The following HMG20A variants were observed in gnomAD, a reference collection of about 807,000 sequenced individuals.
HMG20A encodes the protein high mobility group protein 20A.
In HMG20A, 17 loss-of-function variants were observed where a neutral mutation model predicts 43.9. The observed-to-expected ratio is 0.39, with a 90% CI of 0.27 to 0.58. The LOEUF is 0.58. Among genes scored for constraint, HMG20A ranks in the 20% least tolerant of loss-of-function variants. HMG20A has a pLI of 0.59. For synonymous variants in HMG20A, 132 were observed against 147.5 expected (o/e 0.89, Z 0.76); for missense variants, 341 against 438.2 (o/e 0.78, Z 1.98).
the HMG20A span, among the ~76,000 whole-genome samples, chr15:77,503,635 A>G: frequency 6.6e-6 from 1 of 152,130 alleles, no homozygotes; most frequent in Admixed American, 6.5e-5. Flanking sequence ...CAAAGAGGAG[A>G]AGTGATTTGC....
At chr15:77,479,872 T>C (rs1798014686) in intron 9 of HMG20A, among the ~76,000 whole-genome samples, 1 of 152,234 alleles carries the variant, frequency 6.6e-6, no homozygotes, top group Admixed American at 6.5e-5. Flanking sequence ...ACATTGTATG[T>C]ATGTGAGCCT....
At chr15:77,434,427 CA>C (rs1395527930) in intron 1 of HMG20A, among the ~76,000 whole-genome samples, 2 of 151,548 alleles carry the variant, frequency 1.3e-5, no homozygotes, top group Non-Finnish European at 2.9e-5. Flanking sequence ...AACTTATCTT[CA>C]AAAGACATTA....
chr15:77,430,270 C>G (rs534287814), intron 1 of HMG20A, among the ~76,000 whole-genome samples: 139 of 152,296 alleles, frequency 9.1e-4, no homozygotes, highest in African/African-American at 3.2e-3. Flanking sequence ...TGTTTAAATA[C>G]TCTAGGTTAA....
In HMG20A at chr15:77,471,797, G is replaced by A. The variant is rs558556183; in HGVS notation, c.598G>A (p.Ala200Thr). 3.2e-6 allele frequency: 5 copies of A among 1,569,172 alleles called. No homozygotes were observed. In the East Asian group the frequency reaches 9.0e-5, roughly 28 times the overall value. The change falls in exon 6 of 10, where the codon GCC becomes ACC. Residue 200 changes from alanine (A) to threonine (T), a missense_variant. This residue lies in a region of HMG20A where 220 missense variants were observed against 263.6 expected (regional missense o/e 0.83). Transcript: ENST00000336216. ...TATATTTTTAGATGCAGCCCGGCAG[G>A]CCACTCATGATCATGAGGTAATTAG... ...KSHRQDAARQATHDHEKETEV... is the reference protein window; with the variant it reads ...KSHRQDAARQTTHDHEKETEV...
chr15:77,456,325 C>G (rs1467153656), intron 1 of HMG20A, among the ~76,000 whole-genome samples: 1 of 152,080 alleles, frequency 6.6e-6, no homozygotes, highest in East Asian at 1.9e-4. Context: ...ATGCCAGGAG[C>G]TTTAAATGCT....
At chr15:77,465,260 C>CAAAAAA (rs71145837) in intron 3 of HMG20A, among the ~76,000 whole-genome samples, 17 of 59,126 alleles carry the variant, frequency 2.9e-4, no homozygotes, top group South Asian at 9.9e-4. Flanking sequence ...GACTTCGTCT[C>CAAAAAA]AAAAAAAAAA....
chr15:77,480,827 A>G (rs1434010778), intron 9 of HMG20A, among the ~76,000 whole-genome samples: 6 of 151,586 alleles, frequency 4.0e-5, no homozygotes, highest in African/African-American at 1.2e-4. Flanking sequence ...TAGAGATAGG[A>G]TACCCCTTTA....
chr15:77,467,420 C>A, intron 4 of HMG20A, 113 bp downstream of exon 4: 1 of 838,696 alleles, frequency 1.2e-6, no homozygotes, highest in Non-Finnish European at 1.9e-6. Context: ...GTCACAGTGC[C>A]TAGGAGACCA....
At chr15:77,500,468 T>C in the HMG20A span, among the ~76,000 whole-genome samples, 1 of 152,086 alleles carries the variant, frequency 6.6e-6, no homozygotes, top group Non-Finnish European at 1.5e-5. Context: ...GTGGCGTATG[T>C]CTCCAAATGC....
chr15:77,440,188 G>C (rs1385692182), intron 1 of HMG20A, among the ~76,000 whole-genome samples: 2 of 152,028 alleles, frequency 1.3e-5, no homozygotes, highest in Non-Finnish European at 2.9e-5. Context: ...TAACTATAGT[G>C]AACTCCAATT....
Position 77,470,911 on chromosome 15 carries a change from G to T in HMG20A, c.452G>T (p.Arg151Leu). The change falls in exon 5 of 10, where the codon CGC becomes CTC. Residue 151 changes from arginine (R) to leucine (L), a missense_variant and splice_region_variant. Coordinates refer to ENST00000336216, the MANE Select transcript of HMG20A (RefSeq NM_001304504.2). The part of the protein sequence containing the change: ...WSKLPPEEKQ[R>L]YLDEADRDKE... ...AATAATTCTGTATTTCTTTCCTAGC[G>T]CTACCTTGATGAAGCAGACAGAGAT... The T allele has an allele frequency of 1.9e-6, 3 of 1,566,250 alleles. No individual in the cohort carries two copies. Among genetic ancestry groups the T allele is most frequent in the East Asian group, 2.4e-5 (1 of 42,358 alleles).
the HMG20A span, among the ~76,000 whole-genome samples, chr15:77,510,679 T>TCCAGCAGCTG: frequency 6.6e-6 from 1 of 152,168 alleles, no homozygotes; most frequent in African/African-American, 2.4e-5. Context: ...CACTGTGGCC[T>TCCAGCAGCTG]CCAGCAGCTG....
rs1161104282 is a variant in HMG20A at position 77,484,265 on chromosome 15, T to G, written c.*1302T>G. On this transcript the variant is annotated 3_prime_UTR_variant, in exon 10 of 10. Transcript: ENST00000336216. ...TCACGCCTAGCAGTTTCTGGTTCCT[T>G]TAACAGCAAAAGGAAAGAGAGGTTC... 4 of 152,246 alleles carry G rather than the reference T, an allele frequency of 2.6e-5. No homozygotes were observed. Among genetic ancestry groups the G allele is most frequent in the Non-Finnish European group, 4.4e-5 (3 of 68,060 alleles). 9.4% of individuals were successfully genotyped at this position (152,246 alleles called of 1,614,324 possible). A position where few individuals can be genotyped will look rare whatever the true frequency, so the allele number is the denominator to read the frequency against.
At chr15:77,518,264 C>T in the HMG20A span, among the ~76,000 whole-genome samples, 1 of 152,144 alleles carries the variant, frequency 6.6e-6, no homozygotes, top group Non-Finnish European at 1.5e-5. Context: ...AGCTGGGGAC[C>T]TTCTAAAGGT....
chr15:77,425,178 T>G (rs2073413711), intron 1 of HMG20A, among the ~76,000 whole-genome samples: 1 of 152,348 alleles, frequency 6.6e-6, no homozygotes. Context: ...CTCCAGAGCA[T>G]TATACCTTTC....
At chr15:77,449,203 G>GC (rs2073708548) in intron 1 of HMG20A, among the ~76,000 whole-genome samples, 1 of 151,638 alleles carries the variant, frequency 6.6e-6, no homozygotes, top group Non-Finnish European at 1.5e-5. Flanking sequence ...GAAGCAGCAA[G>GC]CCTTATGTTT....
At chr15:77,453,275 G>A (rs963919341) in intron 1 of HMG20A, among the ~76,000 whole-genome samples, 9 of 152,152 alleles carry the variant, frequency 5.9e-5, no homozygotes, top group Non-Finnish European at 5.9e-5. Flanking sequence ...AATAGGATTT[G>A]AGTAGACAGT....
chr15:77,424,773 T>G (rs564791059), intron 1 of HMG20A, among the ~76,000 whole-genome samples: 61 of 152,240 alleles, frequency 4.0e-4, no homozygotes, highest in African/African-American at 1.4e-3. Flanking sequence ...ATATACAAAA[T>G]AGAAAAGTTT....
chr15:77,442,799 C>A (rs2073627128), intron 1 of HMG20A, among the ~76,000 whole-genome samples: 1 of 152,006 alleles, frequency 6.6e-6, no homozygotes, highest in Non-Finnish European at 1.5e-5. Flanking sequence ...TATGGAGAGT[C>A]TGGCAAAAAG....
Sources: allele counts gnomAD v4.1 joint callset (sites outside exome capture counted in the v4.1 genomes callset), GRCh38; gene constraint gnomAD v4.1.1; regional missense constraint gnomAD v4.1.1; transcripts MANE v1.5; gene names NCBI Gene and HGNC (gene_info 2026-07-23, HGNC 2026-07-21).